The following MAP2K6 variants were observed in gnomAD, a reference collection of about 807,000 sequenced individuals.
The protein encoded by MAP2K6 is mitogen-activated protein kinase kinase 6.
Under a neutral mutation model 53.7 loss-of-function variants are expected in MAP2K6, and 16 were observed. The ratio of observed to expected loss-of-function variants is 0.30; its 90% CI spans 0.20 to 0.45. MAP2K6 has a LOEUF of 0.45. Ranked by LOEUF, MAP2K6 falls within the 20% of genes least tolerant of loss-of-function variation. The pLI is 1.00. For missense variants in MAP2K6, 204 were observed against 411.9 expected (o/e 0.50, Z 4.37); for synonymous variants, 132 against 143.1 (o/e 0.92, Z 0.55).
intron 6 of MAP2K6, chr17:69,520,783 C>A: frequency 2.4e-6 from 1 of 415,534 alleles, no homozygotes; most frequent in South Asian, 6.1e-5. Flanking sequence ...GCTATTCAGG[C>A]TCAGGAGGGT....
At chr17:69,534,398 G>T (rs2144857054) in intron 10 of MAP2K6, among the ~76,000 whole-genome samples, 1 of 152,210 alleles carries the variant, frequency 6.6e-6, no homozygotes, top group Non-Finnish European at 1.5e-5. Flanking sequence ...TCTGGTCACT[G>T]AGGTCACTAG....
chr17:69,478,329 T>C (rs1289843352), intron 1 of MAP2K6, among the ~76,000 whole-genome samples: 3 of 152,360 alleles, frequency 2.0e-5, no homozygotes, highest in African/African-American at 7.2e-5. Context: ...TGTGTCCTTC[T>C]TGTAGCCTCT....
chr17:69,419,388 A>G (rs1906003415), intron 1 of MAP2K6, among the ~76,000 whole-genome samples: 1 of 152,208 alleles, frequency 6.6e-6, no homozygotes, highest in Non-Finnish European at 1.5e-5. Context: ...AATAATATTT[A>G]GACGTGCCCA....
rs1912140559 is a variant in MAP2K6, at chr17:69,552,478, CTT to C, written c.*10727_*10728del. 2 of 152,204 alleles carry C rather than the reference CTT, an allele frequency of 1.3e-5. No individual in the cohort carries two copies. The highest frequency in any genetic ancestry group is 2.9e-5 in the Non-Finnish European group (2 of 68,050). The allele number at this position is 152,204 out of a possible 1,614,324, so 9.4% of individuals were successfully genotyped here. The stretch of plus-strand genomic sequence containing the variant: ...TTCTTTACGGATTGCCGCATTGTCT[CTT>C]TGTGAATGAGGCAGGCTGAACTGTA... On this transcript the variant is annotated 3_prime_UTR_variant, in exon 12 of 12. Coordinates refer to ENST00000590474, the MANE Select transcript of MAP2K6 (RefSeq NM_002758.4).
In MAP2K6 at chr17:69,521,717, T is replaced by TA. The variant is rs1910480669; in HGVS notation, c.535+619dup. On this transcript the variant is annotated intron_variant, in intron 7 of 11. Transcript: ENST00000590474. Reference sequence around the variant, plus strand: ...ATCTTTTAAAATCACTTTTAAAATGTAATAGATCCCCTGAGAGGTATCTGA... The same window carrying TA: ...ATCTTTTAAAATCACTTTTAAAATGTAAATAGATCCCCTGAGAGGTATCTGA... 2.1e-5 allele frequency: 3 copies of TA among 145,730 alleles called. No homozygotes were observed. The South Asian group carries it at 6.3e-4, about 31-fold the overall frequency. The allele number at this position is 145,730 out of a possible 1,614,324, so 9.0% of individuals were successfully genotyped here.
chr17:69,540,979 G>C (rs1218675655), intron 11 of MAP2K6, among the ~76,000 whole-genome samples: 1 of 152,164 alleles, frequency 6.6e-6, no homozygotes, highest in East Asian at 1.9e-4. Context: ...AGTGCATACT[G>C]CTGGCCGGGC....
chr17:69,513,029 A>G (rs1463971395), intron 2 of MAP2K6, among the ~76,000 whole-genome samples: 1 of 152,168 alleles, frequency 6.6e-6, no homozygotes, highest in Non-Finnish European at 1.5e-5. Context: ...TTCTTTCCCC[A>G]GAGGACTAAA....
chr17:69,476,044 A>G (rs1443315181), intron 1 of MAP2K6, among the ~76,000 whole-genome samples: 2 of 152,174 alleles, frequency 1.3e-5, no homozygotes, highest in Non-Finnish European at 2.9e-5. Context: ...AAATAGCCCT[A>G]TGGAGTGGAT....
intron 1 of MAP2K6, among the ~76,000 whole-genome samples, chr17:69,496,209 C>T (rs566026419): frequency 2.6e-5 from 4 of 151,878 alleles, no homozygotes; most frequent in African/African-American, 9.7e-5. Flanking sequence ...TTGACAGGAA[C>T]GTAATTCTTT....
rs1910785702 is a variant in MAP2K6 at position 69,526,614 on chromosome 17, T to G, written c.786T>G (p.Thr262=). The G allele has an allele frequency of 6.2e-7, 1 of 1,614,036 alleles. No individual in the cohort carries two copies. The highest frequency in any genetic ancestry group is 1.1e-5 in the South Asian group (1 of 91,068). The part of the protein sequence containing the change: ...ILRFPYDSWG[T]PFQQLKQVVE... ...GATTTCCCTATGATTCATGGGGAAC[T>G]CCATTTCAGCAGCTCAAACAGGTGG... The change falls in exon 10 of 12, where the codon ACT becomes ACG. Residue 262 remains threonine, a synonymous_variant. Transcript: ENST00000590474.
At chr17:69,454,583 G>T (rs1907339341) in intron 1 of MAP2K6, among the ~76,000 whole-genome samples, 1 of 151,744 alleles carries the variant, frequency 6.6e-6, no homozygotes, top group African/African-American at 2.4e-5. Context: ...AGTAGAGATG[G>T]GGTTTCGCTA....
chr17:69,529,731 C>T (rs530316982), intron 10 of MAP2K6, among the ~76,000 whole-genome samples: 15 of 152,092 alleles, frequency 9.9e-5, no homozygotes, highest in African/African-American at 3.1e-4. Flanking sequence ...AGGATGGTCT[C>T]GATCTCCTGA....
In MAP2K6 at chr17:69,520,348, A is replaced by G; in HGVS notation, c.445A>G (p.Thr149Ala). The change falls in exon 6 of 12, where the codon ACA (threonine) becomes GCA (alanine). Residue 149 changes from threonine to alanine, a missense_variant. Transcript: ENST00000590474. ...FYKQVIDKGQTIPEDILGKIA... is the reference protein window; with the variant it reads ...FYKQVIDKGQAIPEDILGKIA... ...CAAACAAGTTATTGATAAAGGCCAGACAATTCCAGAGGACATCTTAGGGAA... is the reference window on the plus strand; with the variant it reads ...CAAACAAGTTATTGATAAAGGCCAGGCAATTCCAGAGGACATCTTAGGGAA... The G allele has an allele frequency of 1.2e-6, 2 of 1,612,246 alleles. No homozygotes were observed. The highest frequency in any genetic ancestry group is 1.7e-6 in the Non-Finnish European group (2 of 1,179,036).
intron 1 of MAP2K6, among the ~76,000 whole-genome samples, chr17:69,417,723 A>G (rs1440244204): frequency 2.0e-5 from 3 of 152,166 alleles, no homozygotes; most frequent in Non-Finnish European, 4.4e-5. Flanking sequence ...GCTACAGGAA[A>G]AATGTGTCAT....
chr17:69,428,473 C>G (rs546891636), intron 1 of MAP2K6, among the ~76,000 whole-genome samples: 41 of 152,306 alleles, frequency 2.7e-4, no homozygotes, highest in African/African-American at 8.4e-4. Flanking sequence ...AAAGTTAGGG[C>G]CCGCCCTACT....
At chr17:69,430,845 G>C (rs1039611450) in intron 1 of MAP2K6, among the ~76,000 whole-genome samples, 6 of 152,188 alleles carry the variant, frequency 3.9e-5, no homozygotes, top group Non-Finnish European at 7.3e-5. Context: ...CTACATTCAA[G>C]GCAAAGCTGG....
chr17:69,432,571 C>T (rs1324757963), intron 1 of MAP2K6, among the ~76,000 whole-genome samples: 2 of 151,272 alleles, frequency 1.3e-5, no homozygotes, highest in African/African-American at 4.9e-5. Flanking sequence ...CCAAACACCA[C>T]ATGTTCTCAC....
intron 1 of MAP2K6, among the ~76,000 whole-genome samples, chr17:69,422,834 A>G (rs966632078): frequency 1.3e-5 from 2 of 152,166 alleles, no homozygotes; most frequent in African/African-American, 4.8e-5. Flanking sequence ...CTGTGCAGCA[A>G]ACTGCAGCTC....
intron 1 of MAP2K6, among the ~76,000 whole-genome samples, chr17:69,479,676 T>C (rs1908279396): frequency 6.6e-6 from 1 of 151,932 alleles, no homozygotes; most frequent in Non-Finnish European, 1.5e-5. Context: ...ACTGTGAGAA[T>C]ATTTGGGGAG....
Sources: gnomAD v4.1 joint callset for allele counts (sites outside exome capture counted in the v4.1 genomes callset) on GRCh38, gnomAD v4.1.1 for gene constraint, MANE v1.5 for transcripts, NCBI Gene and HGNC (gene_info 2026-07-23, HGNC 2026-07-21) for gene names.